Variants in DPP10 observed in about 807,000 individuals in gnomAD.
The protein encoded by DPP10 is inactive dipeptidyl peptidase 10.
In DPP10, 33 loss-of-function variants were observed where a neutral mutation model predicts 120.9. The observed-to-expected ratio is 0.27, with a 90% CI of 0.21 to 0.37. The LOEUF is 0.37. DPP10 is among the 10% of genes least tolerant of loss of function. The pLI is 1.00. For missense variants in DPP10, 816 were observed against 942.8 expected (o/e 0.87, Z 1.76); for synonymous variants, 337 against 326.1 (o/e 1.03, Z -0.36).
chr2:114,838,659 A>C (rs941012297), intron 1 of DPP10, among the ~76,000 whole-genome samples: 1 of 152,146 alleles, frequency 6.6e-6, no homozygotes, highest in African/African-American at 2.4e-5. Flanking sequence ...AAAATACCGA[A>C]AGGTATACCC....
At chr2:114,460,281 A>G (rs1678825512) in intron 1 of DPP10, among the ~76,000 whole-genome samples, 1 of 152,102 alleles carries the variant, frequency 6.6e-6, no homozygotes, top group Non-Finnish European at 1.5e-5. Flanking sequence ...TATTTTTGGA[A>G]ACTGACATAT....
chr2:115,413,525 A>T (rs1268788158), intron 3 of DPP10, among the ~76,000 whole-genome samples: 3 of 152,114 alleles, frequency 2.0e-5, no homozygotes, highest in Non-Finnish European at 4.4e-5. Flanking sequence ...TCTGCAATTT[A>T]AAAAAATGTT....
intron 3 of DPP10, among the ~76,000 whole-genome samples, chr2:115,474,203 C>A (rs1253459765): frequency 2.0e-5 from 3 of 152,076 alleles, no homozygotes; most frequent in African/African-American, 7.2e-5. Context: ...TCTTAAATTG[C>A]AATAGGACAC....
intron 1 of DPP10, among the ~76,000 whole-genome samples, chr2:115,237,499 A>C (rs2058062807): frequency 6.6e-6 from 1 of 152,130 alleles, no homozygotes; most frequent in Admixed American, 6.5e-5. Context: ...CTAAGTACTC[A>C]AGTTAAAGGA....
intron 3 of DPP10, among the ~76,000 whole-genome samples, chr2:115,368,800 TTTTAA>T (rs1349275449): frequency 2.6e-4 from 38 of 143,884 alleles, no homozygotes; most frequent in African/African-American, 3.8e-4. Context: ...TTAATTTTAA[TTTTAA>T]TTTAATTTAA....
chr2:115,733,986 A>G (rs1310341127), intron 8 of DPP10, among the ~76,000 whole-genome samples: 1 of 152,348 alleles, frequency 6.6e-6, no homozygotes, highest in Non-Finnish European at 1.5e-5. Flanking sequence ...CATTAGTTGC[A>G]GTTAAAGAAG....
intron 1 of DPP10, among the ~76,000 whole-genome samples, chr2:114,905,043 A>G (rs1693857125): frequency 6.6e-6 from 1 of 152,160 alleles, no homozygotes; most frequent in African/African-American, 2.4e-5. Context: ...CACATATGAT[A>G]TTTACATGGT....
chr2:114,768,647 T>C lies in DPP10; in HGVS notation c.60+325809T>C, dbSNP rs116474639. Among the ~76,000 whole-genome samples, 1,213 of 152,226 alleles carry C rather than the reference T, an allele frequency of 8.0e-3. 19 individuals are homozygous for C. The highest frequency in any genetic ancestry group is 0.028 in the African/African-American group (1,163 of 41,530). ...CACATCGGCAAAGTCCTTTTTGCAG[T>C]GTCACATTTTCCAGGTATCTGGATG... is the stretch of plus-strand genomic sequence containing the variant. On this transcript the variant is annotated intron_variant, in intron 1 of 25. Transcript: ENST00000410059.
chr2:115,352,570 A>G (rs1413117337), intron 3 of DPP10, among the ~76,000 whole-genome samples: 5 of 152,180 alleles, frequency 3.3e-5, no homozygotes, highest in Non-Finnish European at 1.5e-5. Context: ...TCTATCCAAC[A>G]TGTATTGAAA....
At chr2:115,697,421 T>C (rs559115734) in intron 7 of DPP10, among the ~76,000 whole-genome samples, 22 of 151,770 alleles carry the variant, frequency 1.4e-4, no homozygotes, top group Admixed American at 1.4e-3. Flanking sequence ...CAAAATAAAA[T>C]AGGGGTTGCT....
At chr2:114,611,739 A>G (rs556758581) in intron 1 of DPP10, among the ~76,000 whole-genome samples, 4 of 152,330 alleles carry the variant, frequency 2.6e-5, no homozygotes, top group African/African-American at 9.6e-5. Context: ...CTCTTAATAA[A>G]TTAATAAATC....
At position 114,654,165 on chromosome 2, in the gene DPP10, T is replaced by A. The variant is rs545943032; in HGVS notation, c.60+211327T>A. ...TACTGCTATTCAAAGACCTAGCACT[T>A]CTGTACATACGAGTAAACTGCACTC... On this transcript the variant is annotated intron_variant, in intron 1 of 25. Coordinates refer to ENST00000410059, the MANE Select transcript of DPP10 (RefSeq NM_020868.6). Among the ~76,000 whole-genome samples, 4 of 152,286 alleles carry A rather than the reference T, an allele frequency of 2.6e-5. No homozygotes were observed. In the South Asian group the frequency reaches 6.2e-4, roughly 24 times the overall value.
At chr2:115,472,661 C>G (rs916606403) in intron 3 of DPP10, among the ~76,000 whole-genome samples, 3 of 152,126 alleles carry the variant, frequency 2.0e-5, no homozygotes, top group Non-Finnish European at 2.9e-5. Flanking sequence ...ATTTGCCTAC[C>G]TGCCCCATTC....
chr2:115,371,253 T>G (rs1398770841), intron 3 of DPP10, among the ~76,000 whole-genome samples: 2 of 152,162 alleles, frequency 1.3e-5, no homozygotes, highest in Admixed American at 1.3e-4. Context: ...TGAACTTTCA[T>G]GTTGAACTGC....
chr2:114,600,181 G>A (rs1692250645), intron 1 of DPP10, among the ~76,000 whole-genome samples: 1 of 151,458 alleles, frequency 6.6e-6, no homozygotes, highest in African/African-American at 2.4e-5. Flanking sequence ...AAACCACGAA[G>A]TGACCCAGGG....
intron 1 of DPP10, among the ~76,000 whole-genome samples, chr2:115,141,190 T>C (rs896297954): frequency 1.1e-4 from 16 of 152,320 alleles, no homozygotes; most frequent in African/African-American, 3.4e-4. Context: ...AAAAGTTCCT[T>C]AATTAATTCT....
chr2:114,695,056 T>C (rs1355164278), intron 1 of DPP10, among the ~76,000 whole-genome samples: 2 of 151,822 alleles, frequency 1.3e-5, no homozygotes, highest in Non-Finnish European at 2.9e-5. Context: ...TTAGCAGGAG[T>C]TAAATGAAAA....
chr2:115,295,815 G>A (rs974917006), intron 1 of DPP10, among the ~76,000 whole-genome samples: 1 of 151,770 alleles, frequency 6.6e-6, no homozygotes, highest in Admixed American at 6.6e-5. Flanking sequence ...ATTTTCTCCT[G>A]CACTCAAGGA....
At chr2:114,681,696 C>T (rs1015821344) in intron 1 of DPP10, among the ~76,000 whole-genome samples, 3 of 151,996 alleles carry the variant, frequency 2.0e-5, no homozygotes, top group African/African-American at 4.8e-5. Flanking sequence ...TTTACAAAGC[C>T]GGTAGTAGGT....
Sources: allele counts gnomAD v4.1 joint callset (sites outside exome capture counted in the v4.1 genomes callset), GRCh38; gene constraint gnomAD v4.1.1; transcripts MANE v1.5; gene names NCBI Gene and HGNC (gene_info 2026-07-23, HGNC 2026-07-21).